Variants in ARSB observed in about 807,000 individuals in gnomAD.
The protein encoded by ARSB is arylsulfatase B, also known as N-acetylgalactosamine-4-sulfatase.
Under a neutral mutation model 50.9 loss-of-function variants are expected in ARSB, and 41 were observed. That is an observed-to-expected ratio of 0.81 (90% CI 0.63 to 1.04). ARSB has a LOEUF of 1.04. Ranked by LOEUF, ARSB falls within the 50% of genes least tolerant of loss-of-function variation. The probability of loss-of-function intolerance (pLI) is 0.00; values close to 1 mark genes in which losing one functional copy is unlikely to be tolerated. For missense variants in ARSB, 672 were observed against 693.3 expected (o/e 0.97, Z 0.35); for synonymous variants, 269 against 284.8 (o/e 0.94, Z 0.56).
chr5:78,851,483 TG>T (rs1745779868), intron 5 of ARSB, among the ~76,000 whole-genome samples: 1 of 152,178 alleles, frequency 6.6e-6, no homozygotes, highest in African/African-American at 2.4e-5. Context: ...CTTCCAACTA[TG>T]TGGTCAATTT....
chr5:78,858,670 A>G (rs1437513920), intron 5 of ARSB, among the ~76,000 whole-genome samples: 1 of 152,246 alleles, frequency 6.6e-6, no homozygotes. Context: ...AGAAATAGCA[A>G]TGACAATACT....
At chr5:78,920,334 A>T (rs1051944954) in intron 4 of ARSB, among the ~76,000 whole-genome samples, 2 of 152,200 alleles carry the variant, frequency 1.3e-5, no homozygotes, top group African/African-American at 4.8e-5. Context: ...GCTTGAACCC[A>T]GGAGTTTGAG....
intron 6 of ARSB, among the ~76,000 whole-genome samples, chr5:78,836,892 G>GGCT (rs1372722293): frequency 2.6e-5 from 4 of 152,174 alleles, no homozygotes; most frequent in Non-Finnish European, 5.9e-5. Flanking sequence ...AAGGTGAAGA[G>GGCT]GAGGCAGGTA....
chr5:78,814,258 A>G (rs1489510673), intron 6 of ARSB, among the ~76,000 whole-genome samples: 1 of 151,140 alleles, frequency 6.6e-6, no homozygotes, highest in Non-Finnish European at 1.5e-5. Context: ...TGGAGTCTAT[A>G]CAGTTTTTCA....
chr5:78,875,247 T>G (rs1388717656), intron 5 of ARSB, among the ~76,000 whole-genome samples: 1 of 152,134 alleles, frequency 6.6e-6, no homozygotes, highest in African/African-American at 2.4e-5. Flanking sequence ...AACTTAACAA[T>G]GCACTTCTAA....
chr5:78,930,118 C>T (rs1203983464), intron 4 of ARSB, among the ~76,000 whole-genome samples: 1 of 152,134 alleles, frequency 6.6e-6, no homozygotes, highest in Non-Finnish European at 1.5e-5. Context: ...GCTCTATTAC[C>T]TCTGGACTCC....
chr5:78,962,553 A>C (rs1422237304), intron 3 of ARSB, among the ~76,000 whole-genome samples: 1 of 90,672 alleles, frequency 1.1e-5, no homozygotes, highest in Non-Finnish European at 2.0e-5. Context: ...TTTGAGACGG[A>C]GTCTTGCTCT....
chr5:78,919,585 C>T (rs1408237701), intron 4 of ARSB, among the ~76,000 whole-genome samples: 1 of 152,122 alleles, frequency 6.6e-6, no homozygotes, highest in African/African-American at 2.4e-5. Context: ...CTCCGCCTCC[C>T]GGATTCAAGT....
chr5:78,890,914 C>T (rs770481118), intron 4 of ARSB, among the ~76,000 whole-genome samples: 3 of 152,198 alleles, frequency 2.0e-5, no homozygotes, highest in Non-Finnish European at 4.4e-5. Context: ...CCACTTAGTG[C>T]CCTAGATGGT....
chr5:78,816,706 G>T (rs1035569069), intron 6 of ARSB, among the ~76,000 whole-genome samples: 2 of 152,238 alleles, frequency 1.3e-5, no homozygotes, highest in African/African-American at 4.8e-5. Flanking sequence ...TTGTGAGAGG[G>T]ATTCAACAAG....
intron 5 of ARSB, among the ~76,000 whole-genome samples, chr5:78,874,178 G>T (rs4515284): frequency 0.13 from 19,048 of 152,266 alleles, 1,412 homozygotes; most frequent in Middle Eastern, 0.21. Flanking sequence ...TAATAAACAT[G>T]CAAGAATTCA....
chr5:78,950,461 A>T (rs1312148990), intron 4 of ARSB, among the ~76,000 whole-genome samples: 1 of 152,192 alleles, frequency 6.6e-6, no homozygotes, highest in Non-Finnish European at 1.5e-5. Context: ...TACCTCCTCT[A>T]CTTCTGTGTG....
intron 6 of ARSB, among the ~76,000 whole-genome samples, chr5:78,818,598 C>CTTTTTTTTTTTTTTTT (rs775162579): frequency 1.3e-5 from 1 of 74,170 alleles, no homozygotes; most frequent in African/African-American, 5.5e-5. Context: ...AAATAAAGCT[C>CTTTTTTTTTTTTTTTT]TTTTTTTTTT....
At chr5:78,881,655 G>C (rs908427877) in intron 5 of ARSB, among the ~76,000 whole-genome samples, 6 of 152,304 alleles carry the variant, frequency 3.9e-5, no homozygotes, top group African/African-American at 1.4e-4. Context: ...ATTAGCAAAG[G>C]TTTTTTAAAA....
intron 1 of ARSB, 149 bp downstream of exon 1, chr5:78,984,788 T>G: frequency 9.6e-6 from 5 of 523,330 alleles, no homozygotes; most frequent in Non-Finnish European, 1.1e-5. Context: ...AAGAGCGAGG[T>G]TGGGGCGAGA....
intron 6 of ARSB, among the ~76,000 whole-genome samples, chr5:78,798,623 C>T (rs908151502): frequency 3.3e-5 from 5 of 152,184 alleles, no homozygotes; most frequent in Admixed American, 2.0e-4. Context: ...GCAGGAAAGA[C>T]GTGTCTAGGC....
In ARSB at chr5:78,778,724, T is replaced by C. The variant is rs1748839147; in HGVS notation, c.*1673A>G. On this transcript the variant is annotated 3_prime_UTR_variant, in exon 8 of 8. Coordinates refer to ENST00000264914, the MANE Select transcript of ARSB (RefSeq NM_000046.5). ...ATTTACTCATTTGTCCATTTATTCA[T>C]TTGTTTTAAAAAATGAGGCCAGGCA... 1 of 152,238 alleles carries C rather than the reference T, an allele frequency of 6.6e-6. No individual in the cohort carries two copies. The highest frequency in any genetic ancestry group is 1.5e-5 in the Non-Finnish European group (1 of 68,048). 9.4% of individuals were successfully genotyped at this position (152,238 alleles called of 1,614,324 possible). A position where few individuals can be genotyped will look rare whatever the true frequency, so the allele number is the denominator to read the frequency against.
intron 4 of ARSB, among the ~76,000 whole-genome samples, chr5:78,943,156 T>C (rs561560685): frequency 5.6e-4 from 86 of 152,334 alleles, no homozygotes; most frequent in African/African-American, 2.0e-3. Flanking sequence ...CATCCCTTTA[T>C]TTTGAGCCTA....
intron 6 of ARSB, among the ~76,000 whole-genome samples, chr5:78,823,286 G>T (rs1287037930): frequency 6.6e-6 from 1 of 152,164 alleles, no homozygotes; most frequent in Non-Finnish European, 1.5e-5. Context: ...ACTGACCAAT[G>T]GGTGTCCCAG....
Sources: gnomAD v4.1 joint callset for allele counts (sites outside exome capture counted in the v4.1 genomes callset) on GRCh38, gnomAD v4.1.1 for gene constraint, MANE v1.5 for transcripts, NCBI Gene and HGNC (gene_info 2026-07-23, HGNC 2026-07-21) for gene names.